DENND1A: variants seen among roughly 807,000 people sequenced by gnomAD.
DENND1A encodes DENN domain containing 1A, also known as DENN domain-containing protein 1A.
Under a neutral mutation model 113.7 loss-of-function variants are expected in DENND1A, and 51 were observed. The ratio of observed to expected loss-of-function variants is 0.45; its 90% CI spans 0.36 to 0.57. The LOEUF (loss-of-function observed/expected upper bound fraction) is 0.57. Among genes scored for constraint, DENND1A ranks in the 20% least tolerant of loss-of-function variants. DENND1A has a pLI of 0.00. For missense variants in DENND1A, 1,258 were observed against 1,395.9 expected (o/e 0.90, Z 1.57); for synonymous variants, 565 against 570.8 (o/e 0.99, Z 0.14).
intron 12 of DENND1A, among the ~76,000 whole-genome samples, chr9:123,575,914 T>C (rs922452221): frequency 1.3e-5 from 2 of 152,250 alleles, no homozygotes; most frequent in Non-Finnish European, 2.9e-5. Context: ...TGCTTTTTTA[T>C]ATAATAACCT....
intron 2 of DENND1A, among the ~76,000 whole-genome samples, chr9:123,866,574 T>G (rs961236047): frequency 6.6e-6 from 1 of 152,218 alleles, no homozygotes; most frequent in Non-Finnish European, 1.5e-5. Flanking sequence ...AAAAATTTCA[T>G]TTCTTAATGA....
chr9:123,590,664 T>C (rs2059414358), intron 11 of DENND1A, among the ~76,000 whole-genome samples: 1 of 152,240 alleles, frequency 6.6e-6, no homozygotes, highest in Admixed American at 6.5e-5. Context: ...TGTATCTTTA[T>C]TGTGGTGGTT....
At chr9:123,459,205 T>C (rs1306291389) in intron 13 of DENND1A, among the ~76,000 whole-genome samples, 1 of 152,142 alleles carries the variant, frequency 6.6e-6, no homozygotes, top group Non-Finnish European at 1.5e-5. Flanking sequence ...GGAACCCTGT[T>C]ACCTGAGTTC....
At chr9:123,845,663 C>T (rs1425790893) in intron 2 of DENND1A, among the ~76,000 whole-genome samples, 1 of 93,290 alleles carries the variant, frequency 1.1e-5, no homozygotes, top group South Asian at 3.3e-4. Context: ...AAGTGAGAAC[C>T]TGTCTCCAAA....
chr9:123,702,815 T>C (rs1564979280), intron 5 of DENND1A, among the ~76,000 whole-genome samples: 1 of 151,980 alleles, frequency 6.6e-6, no homozygotes, highest in Non-Finnish European at 1.5e-5. Context: ...CCAAAGGGAG[T>C]TCCTTAAGCT....
chr9:123,386,993 G>A lies in DENND1A; in HGVS notation c.1760+737C>T, dbSNP rs372242595. ...CCTGGAAGGTTGCTGTGGGCACCAC[G>A]GGCATCCCGCAAAGGGCAGTTTCCA... On this transcript the variant is annotated intron_variant, in intron 22 of 23. Transcript: ENST00000394215. Among the ~76,000 whole-genome samples the A allele has an allele frequency of 3.9e-5, 6 of 152,346 alleles. No homozygotes were observed. In the East Asian group the frequency reaches 5.8e-4, roughly 15 times the overall value.
At chr9:123,547,441 A>C (rs1474095377) in intron 13 of DENND1A, among the ~76,000 whole-genome samples, 2 of 152,226 alleles carry the variant, frequency 1.3e-5, no homozygotes, top group Non-Finnish European at 2.9e-5. Context: ...AGGCAGGAGA[A>C]TCACTTGAAC....
intron 1 of DENND1A, among the ~76,000 whole-genome samples, chr9:123,921,825 C>G (rs1331438687): frequency 1.3e-5 from 2 of 152,170 alleles, no homozygotes; most frequent in Non-Finnish European, 2.9e-5. Context: ...CTAACCTTGG[C>G]AAGTCATCTT....
intron 4 of DENND1A, among the ~76,000 whole-genome samples, chr9:123,768,497 T>A (rs1829194374): frequency 6.6e-6 from 1 of 152,172 alleles, no homozygotes; most frequent in Non-Finnish European, 1.5e-5. Flanking sequence ...CATGATAGAA[T>A]CTTCCTGAAG....
At chr9:123,684,211 GT>G (rs1406165705) in intron 5 of DENND1A, among the ~76,000 whole-genome samples, 1 of 152,064 alleles carries the variant, frequency 6.6e-6, no homozygotes, top group Non-Finnish European at 1.5e-5. Context: ...TCAAGCACAC[GT>G]GAACCCTTAA....
intron 8 of DENND1A, among the ~76,000 whole-genome samples, chr9:123,656,629 T>C (rs912950217): frequency 6.6e-6 from 1 of 151,856 alleles, no homozygotes; most frequent in Non-Finnish European, 1.5e-5. Context: ...AAAGGGAGAG[T>C]CCATTCTTTT....
rs755096901 is a variant in DENND1A at position 123,583,187 on chromosome 9, C to A, written c.849G>T (p.Gln283His). 3.7e-6 allele frequency: 6 copies of A among 1,612,860 alleles called. No individual in the cohort carries two copies. The Admixed American group carries it at 1.0e-4, about 27-fold the overall frequency. The stretch of plus-strand genomic sequence containing the variant: ...TACCTACCACGTCGTTTGGGAGGCT[C>A]TGGAGGTCATCGAAGGGGGTTTCCA... ...NTLETPFDDL[Q>H]SLPNDVISSL... is the part of the protein sequence containing the mutation. The change falls in exon 12 of 24, where the codon CAG (glutamine) becomes CAT (histidine). Residue 283 changes from glutamine to histidine, a missense_variant. Physicochemically the swap from Gln to His is conservative, Grantham distance 24. Coordinates refer to ENST00000394215, the MANE Select transcript of DENND1A (RefSeq NM_001352964.2).
At chr9:123,909,006 T>A (rs1322734118) in intron 1 of DENND1A, among the ~76,000 whole-genome samples, 1 of 152,190 alleles carries the variant, frequency 6.6e-6, no homozygotes, top group African/African-American at 2.4e-5. Flanking sequence ...CACCATGGAA[T>A]ACTATGCAGC....
At chr9:123,742,573 T>G (rs186000552) in intron 5 of DENND1A, among the ~76,000 whole-genome samples, 105 of 152,238 alleles carry the variant, frequency 6.9e-4, no homozygotes, top group African/African-American at 2.5e-3. Flanking sequence ...ATCCTTAGGG[T>G]AGACGAACAA....
At chr9:123,455,371 C>T (rs973258999) in intron 15 of DENND1A, among the ~76,000 whole-genome samples, 11 of 152,234 alleles carry the variant, frequency 7.2e-5, no homozygotes, top group Non-Finnish European at 7.4e-5. Flanking sequence ...TGTGATGCTG[C>T]ACCACCTTAT....
At position 123,764,385 on chromosome 9, in the gene DENND1A, C is replaced by T. The variant is rs1443740041; in HGVS notation, c.182+5129G>A. Among the ~76,000 whole-genome samples, 2 of 152,174 alleles carry T rather than the reference C, an allele frequency of 1.3e-5. No individual in the cohort carries two copies. The highest frequency in any genetic ancestry group is 2.4e-5 in the African/African-American group (1 of 41,434). On this transcript the variant is annotated intron_variant, in intron 4 of 23. Transcript: ENST00000394215. This position sits in a 1 kb window ranked among gnomAD's most constrained non-coding sequence, Gnocchi z 4.1. Reference sequence around the variant, plus strand: ...CAGACACTTTTCCTTTCCTTCAGTGCGTATGAGGCATGAGGCAGGAATGAA... The same window carrying T: ...CAGACACTTTTCCTTTCCTTCAGTGTGTATGAGGCATGAGGCAGGAATGAA...
At chr9:123,728,701 T>C (rs2067931259) in intron 5 of DENND1A, among the ~76,000 whole-genome samples, 1 of 152,076 alleles carries the variant, frequency 6.6e-6, no homozygotes, top group South Asian at 2.1e-4. Context: ...ATTAATGCTA[T>C]CTGATTTGAA....
chr9:123,877,668 T>C (rs114142505), intron 2 of DENND1A, among the ~76,000 whole-genome samples: 1,673 of 148,706 alleles, frequency 0.011, 34 homozygotes, highest in African/African-American at 0.04. Flanking sequence ...ACTAAAAATA[T>C]AAAAGTTAGC....
At position 123,747,925 on chromosome 9, in the gene DENND1A, T is replaced by A. The variant is rs76215984; in HGVS notation, c.302+9778A>T. ...TCATTGTTTCAGAAGCTAGTAACTA[T>A]TCTTCATTGTCAAGAATCAGGTAAT... On this transcript the variant is annotated intron_variant, in intron 5 of 23. Coordinates refer to ENST00000394215, the MANE Select transcript of DENND1A (RefSeq NM_001352964.2). Among the ~76,000 whole-genome samples the A allele has an allele frequency of 4.3e-4, 66 of 152,280 alleles. No homozygotes were observed. The East Asian group carries it at 0.011, about 26-fold the overall frequency.
Sources: allele counts gnomAD v4.1 joint callset (sites outside exome capture counted in the v4.1 genomes callset), GRCh38; gene constraint gnomAD v4.1.1; non-coding constraint Gnocchi (gnomAD v3.1); transcripts MANE v1.5; gene names NCBI Gene and HGNC (gene_info 2026-07-23, HGNC 2026-07-21).